NRXN3: variants seen among roughly 807,000 people sequenced by gnomAD.
NRXN3 encodes the protein neurexin III.
Under a neutral mutation model 137.6 loss-of-function variants are expected in NRXN3, and 32 were observed. That is an observed-to-expected ratio of 0.23 (90% CI 0.18 to 0.31). The LOEUF (loss-of-function observed/expected upper bound fraction) is 0.31, where lower values mean the gene tolerates loss of function less well. Ranked by LOEUF, NRXN3 falls within the 10% of genes least tolerant of loss-of-function variation. The pLI is 1.00. For missense variants in NRXN3, 1,574 were observed against 2,062.5 expected, an observed-to-expected ratio of 0.76 and a Z score of 4.59; for synonymous variants, 798 against 784.5, an observed-to-expected ratio of 1.02 and a Z score of -0.29.
chr14:79,716,873 A>G (rs895398927), intron 19 of NRXN3, among the ~76,000 whole-genome samples: 1 of 152,164 alleles, frequency 6.6e-6, no homozygotes, highest in Non-Finnish European at 1.5e-5. Flanking sequence ...AATTATTAGT[A>G]GTAACAATGG....
intron 16 of NRXN3, among the ~76,000 whole-genome samples, chr14:79,571,090 A>G (rs1241790786): frequency 6.6e-6 from 1 of 152,158 alleles, no homozygotes; most frequent in Non-Finnish European, 1.5e-5. Flanking sequence ...ATTTAAACTC[A>G]TCAGGGACCA....
intron 16 of NRXN3, among the ~76,000 whole-genome samples, chr14:79,580,542 G>A (rs185568683): frequency 4.4e-4 from 67 of 151,758 alleles, no homozygotes; most frequent in African/African-American, 1.6e-3. Flanking sequence ...GGCTGGGACT[G>A]CCCATGCATT....
At chr14:78,475,170 G>T (rs532681726) in intron 4 of NRXN3, among the ~76,000 whole-genome samples, 2 of 152,288 alleles carry the variant, frequency 1.3e-5, no homozygotes, top group African/African-American at 4.8e-5. Context: ...CATGCATGAG[G>T]GGTACAGGGA....
chr14:78,961,127 A>T (rs2099407394), intron 11 of NRXN3, among the ~76,000 whole-genome samples: 1 of 151,880 alleles, frequency 6.6e-6, no homozygotes, highest in Non-Finnish European at 1.5e-5. Flanking sequence ...TGGGACCAGT[A>T]GAGCTAGGGA....
chr14:79,376,096 C>T (rs2153444403), intron 15 of NRXN3, among the ~76,000 whole-genome samples: 1 of 147,040 alleles, frequency 6.8e-6, no homozygotes, highest in African/African-American at 2.5e-5. Context: ...TCATCATCAT[C>T]ATCATATACA....
At chr14:78,468,009 C>T (rs752793052) in intron 4 of NRXN3, among the ~76,000 whole-genome samples, 6 of 152,082 alleles carry the variant, frequency 3.9e-5, no homozygotes, top group Non-Finnish European at 5.9e-5. Flanking sequence ...CTGCAACCTC[C>T]GCCTCCCAGG....
chr14:78,482,708 A>G (rs1327767570), intron 4 of NRXN3, among the ~76,000 whole-genome samples: 2 of 152,224 alleles, frequency 1.3e-5, no homozygotes, highest in Non-Finnish European at 2.9e-5. Flanking sequence ...CAATACGACT[A>G]CAAGCATAGT....
intron 1 of NRXN3, among the ~76,000 whole-genome samples, chr14:78,204,433 A>G (rs1170892715): frequency 6.6e-6 from 1 of 152,216 alleles, no homozygotes; most frequent in Non-Finnish European, 1.5e-5. Context: ...CACCCTAAGA[A>G]AAAAGGTATA....
At chr14:78,514,706 A>G (rs2096174246) in intron 4 of NRXN3, among the ~76,000 whole-genome samples, 1 of 152,204 alleles carries the variant, frequency 6.6e-6, no homozygotes, top group Non-Finnish European at 1.5e-5. Flanking sequence ...ACAAGCAGAT[A>G]CACACAGTAA....
intron 17 of NRXN3, among the ~76,000 whole-genome samples, chr14:79,682,014 A>T (rs1413766020): frequency 6.6e-6 from 1 of 151,848 alleles, no homozygotes; most frequent in Non-Finnish European, 1.5e-5. Context: ...AGTCAAATTG[A>T]TTTTTTAAAA....
intron 4 of NRXN3, among the ~76,000 whole-genome samples, chr14:78,424,724 A>G (rs2093592578): frequency 6.6e-6 from 1 of 152,210 alleles, no homozygotes; most frequent in African/African-American, 2.4e-5. Context: ...TTGACTCAGT[A>G]GATAAGCCTA....
At chr14:78,361,754 G>T (rs1038446004) in intron 4 of NRXN3, among the ~76,000 whole-genome samples, 13 of 152,260 alleles carry the variant, frequency 8.5e-5, no homozygotes, top group Middle Eastern at 3.4e-3. Flanking sequence ...GGTGTATTTT[G>T]AAAGTATCCT....
chr14:79,160,446 G>A (rs1442959834), intron 15 of NRXN3, among the ~76,000 whole-genome samples: 1 of 151,904 alleles, frequency 6.6e-6, no homozygotes, highest in Non-Finnish European at 1.5e-5. Flanking sequence ...CACACATCGT[G>A]TGATTGTGCT....
chr14:78,835,950 C>G (rs192035106), intron 10 of NRXN3, among the ~76,000 whole-genome samples: 2 of 152,148 alleles, frequency 1.3e-5, no homozygotes, highest in Admixed American at 6.5e-5. Context: ...CTTCCAGCCA[C>G]AACACCTCTA....
chr14:79,431,492 A>G (rs1012300331), intron 15 of NRXN3, among the ~76,000 whole-genome samples: 1 of 152,206 alleles, frequency 6.6e-6, no homozygotes, highest in Non-Finnish European at 1.5e-5. Flanking sequence ...ATAACAATTA[A>G]TGAAAATTCA....
chr14:79,047,428 T>A (rs1035887775), intron 15 of NRXN3, among the ~76,000 whole-genome samples: 2 of 152,066 alleles, frequency 1.3e-5, no homozygotes, highest in African/African-American at 2.4e-5. Context: ...AAAGAAAGTA[T>A]CAATAGATTC....
intron 4 of NRXN3, among the ~76,000 whole-genome samples, chr14:78,327,331 G>A (rs1313359154): frequency 1.3e-5 from 2 of 152,150 alleles, no homozygotes; most frequent in Non-Finnish European, 2.9e-5. Flanking sequence ...TGCCTGCTGG[G>A]AAGAAAGGGA....
intron 16 of NRXN3, among the ~76,000 whole-genome samples, chr14:79,593,164 ACT>A (rs960391593): frequency 5.3e-5 from 8 of 151,612 alleles, no homozygotes; most frequent in Non-Finnish European, 1.2e-4. Flanking sequence ...CTGTGAGAAA[ACT>A]CTCTCCCCTC....
chr14:78,258,508 G>C (rs1290751586), intron 2 of NRXN3, among the ~76,000 whole-genome samples: 1 of 152,062 alleles, frequency 6.6e-6, no homozygotes, highest in Non-Finnish European at 1.5e-5. Context: ...ATGTGGATGA[G>C]GCTGCCTAGG....
Sources: gnomAD v4.1 joint callset for allele counts (sites outside exome capture counted in the v4.1 genomes callset) on GRCh38, gnomAD v4.1.1 for gene constraint, MANE v1.5 for transcripts, NCBI Gene and HGNC (gene_info 2026-07-23, HGNC 2026-07-21) for gene names.